The following EPHB2 variants were observed in gnomAD, a reference collection of about 807,000 sequenced individuals.
EPHB2 encodes EPH receptor B2, also known as ephrin type-B receptor 2.
A neutral mutation model predicts 96.4 loss-of-function variants in EPHB2; 18 were observed. The observed-to-expected ratio is 0.19, with a 90% CI of 0.13 to 0.28. EPHB2 has a LOEUF of 0.28. EPHB2 is among the 10% of genes least tolerant of loss of function. EPHB2 has a pLI of 1.00. For synonymous variants in EPHB2, 506 were observed against 534.1 expected (o/e 0.95, Z 0.72); for missense variants, 989 against 1,355.4 (o/e 0.73, Z 4.25).
intron 3 of EPHB2, among the ~76,000 whole-genome samples, chr1:22,829,289 C>G (rs957406650): frequency 6.6e-6 from 1 of 152,246 alleles, no homozygotes; most frequent in Non-Finnish European, 1.5e-5. Context: ...GGCCCCTCCC[C>G]ACCCCTAGCA....
At chr1:22,757,458 A>G (rs1398404950) in intron 1 of EPHB2, among the ~76,000 whole-genome samples, 2 of 152,236 alleles carry the variant, frequency 1.3e-5, no homozygotes, top group Non-Finnish European at 2.9e-5. Flanking sequence ...CTGGAGTCAG[A>G]CAGGTGTGAA....
At chr1:22,879,913 C>T (rs566759438) in intron 5 of EPHB2, among the ~76,000 whole-genome samples, 9 of 152,332 alleles carry the variant, frequency 5.9e-5, no homozygotes, top group African/African-American at 7.2e-5. Flanking sequence ...TCATCAGGGC[C>T]GCATGGACCA....
At chr1:22,819,134 C>T (rs371884610) in intron 3 of EPHB2, among the ~76,000 whole-genome samples, 7 of 151,684 alleles carry the variant, frequency 4.6e-5, no homozygotes, top group African/African-American at 1.7e-4. Context: ...TATAAAAAGA[C>T]AAGCCTGAAT....
chr1:22,791,311 C>G (rs1644688014), intron 3 of EPHB2, among the ~76,000 whole-genome samples: 1 of 151,898 alleles, frequency 6.6e-6, no homozygotes, highest in Non-Finnish European at 1.5e-5. Flanking sequence ...TAAAATCACC[C>G]ATAATCCTAT....
At chr1:22,903,069 G>A (rs1487303929) in intron 9 of EPHB2, among the ~76,000 whole-genome samples, 1 of 152,222 alleles carries the variant, frequency 6.6e-6, no homozygotes, top group Non-Finnish European at 1.5e-5. Flanking sequence ...CTGGAAGTGA[G>A]GCCAATCCAC....
In EPHB2 at chr1:22,913,250, C is replaced by A. The variant is rs1640166825; in HGVS notation, c.2853-212C>A. The A allele has an allele frequency of 3.2e-6, 2 of 625,924 alleles. No homozygotes were observed. The highest frequency in any genetic ancestry group is 1.8e-5 in the African/African-American group (1 of 54,810). The allele number at this position is 625,924 out of a possible 1,614,324, so 38.8% of individuals were successfully genotyped here. A position where few individuals can be genotyped will look rare whatever the true frequency, so the allele number is the denominator to read the frequency against. ...CTCCCAATAGCAGGGGAGAGAAGGC[C>A]CCCTAGGGACCCTGATTCCGACTCA... On this transcript the variant is annotated intron_variant, in intron 15 of 15. Coordinates refer to ENST00000374630, the MANE Select transcript of EPHB2 (RefSeq NM_017449.5). This position sits in a 1 kb window ranked among gnomAD's most constrained non-coding sequence, Gnocchi z 4.1.
chr1:22,889,262 G>A (rs892446917), intron 6 of EPHB2, among the ~76,000 whole-genome samples: 1 of 152,172 alleles, frequency 6.6e-6, no homozygotes, highest in African/African-American at 2.4e-5. Flanking sequence ...TCACTCTCAT[G>A]AGGCACCTAT....
In EPHB2 at chr1:22,910,503, A is replaced by G. The variant is rs143865228; in HGVS notation, c.2624A>G (p.Gln875Arg). Residue 875 changes from glutamine (Q) to arginine (R), a missense_variant, in exon 14 of 16, where the codon CAA becomes CGA. Physicochemically the swap from Gln to Arg is conservative, Grantham distance 43 (BLOSUM62 1). Coordinates refer to ENST00000374630, the MANE Select transcript of EPHB2 (RefSeq NM_017449.5). ...KDRNHRPKFGQIVNTLDKMIR... is the reference protein window; with the variant it reads ...KDRNHRPKFGRIVNTLDKMIR... ...CGCAACCACCGGCCCAAGTTCGGCC[A>G]AATTGTCAACACGCTAGACAAGATG... 1 of 1,613,086 alleles carries G rather than the reference A, an allele frequency of 6.2e-7. No individual in the cohort carries two copies. Among genetic ancestry groups the G allele is most frequent in the African/African-American group, 1.4e-5 (1 of 73,942 alleles).
In EPHB2 at chr1:22,875,920, G is replaced by T. The variant is rs1638822910; in HGVS notation, c.1304-6439G>T. 6.6e-6 allele frequency among the ~76,000 whole-genome samples: 1 copy of T among 152,146 alleles called. No homozygotes were observed. Among genetic ancestry groups the T allele is most frequent in the African/African-American group, 2.4e-5 (1 of 41,430 alleles). Reference sequence around the variant, plus strand: ...GGCCATGGAAGATGTGGGGGAAGAGGTTTCCAAGCAGAAACACCATAGGGC... The same window carrying T: ...GGCCATGGAAGATGTGGGGGAAGAGTTTTCCAAGCAGAAACACCATAGGGC... On this transcript the variant is annotated intron_variant, in intron 5 of 15. Coordinates refer to ENST00000374630, the MANE Select transcript of EPHB2 (RefSeq NM_017449.5). This position sits in a 1 kb window ranked among gnomAD's most constrained non-coding sequence, Gnocchi z 4.2.
intron 3 of EPHB2, among the ~76,000 whole-genome samples, chr1:22,811,440 C>A (rs1267340476): frequency 6.6e-6 from 1 of 152,200 alleles, no homozygotes; most frequent in East Asian, 1.9e-4. Context: ...CATCTTTTCC[C>A]TTCTCTTTCA....
In EPHB2 at chr1:22,726,808, C is replaced by T. The variant is rs1643591675; in HGVS notation, c.61+15765C>T. ...ATACCCAAGGTCACACTTTTTAGTA[C>T]ATACTTGTGTATGAGATGGAATGTG... On this transcript the variant is annotated intron_variant, in intron 1 of 15. Transcript: ENST00000374630. 1.3e-5 allele frequency among the ~76,000 whole-genome samples: 2 copies of T among 152,182 alleles called. 1 individual carries two copies. The highest frequency in any genetic ancestry group is 4.1e-4 in the South Asian group (2 of 4,830).
chr1:22,778,515 C>T (rs1434174953), intron 1 of EPHB2, among the ~76,000 whole-genome samples: 1 of 152,208 alleles, frequency 6.6e-6, no homozygotes, highest in Non-Finnish European at 1.5e-5. Flanking sequence ...TGTGCTGCCT[C>T]CTGCCACAAC....
chr1:22,758,023 A>G (rs1440126104), intron 1 of EPHB2, among the ~76,000 whole-genome samples: 4 of 136,674 alleles, frequency 2.9e-5, no homozygotes, highest in Non-Finnish European at 3.1e-5. Flanking sequence ...GGTTCACGCC[A>G]TTCTCCTGCC....
Position 22,906,046 on chromosome 1 carries a change from G to T in EPHB2, c.1825G>T (p.Val609Leu). 6.2e-7 allele frequency: 1 copy of T among 1,614,246 alleles called. No individual in the cohort carries two copies. Among genetic ancestry groups the T allele is most frequent in the African/African-American group, 1.3e-5 (1 of 75,052 alleles). Reference sequence around the variant, plus strand: ...CACCTACGAGGACCCCAACGAGGCAGTGCGGGAGTTTGCCAAGGAAATTGA... The same window carrying T: ...CACCTACGAGGACCCCAACGAGGCATTGCGGGAGTTTGCCAAGGAAATTGA... ...PFTYEDPNEA[V>L]REFAKEIDIS... The change falls in exon 10 of 16, where the codon GTG becomes TTG. Residue 609 changes from valine to leucine, a missense_variant. Val to Leu is a conservative substitution (Grantham distance 32). Coordinates refer to ENST00000374630, the MANE Select transcript of EPHB2 (RefSeq NM_017449.5). The surrounding 1 kb of genome is among the most constrained non-coding windows in gnomAD (Gnocchi z 4.8).
intron 1 of EPHB2, among the ~76,000 whole-genome samples, chr1:22,724,546 G>T (rs1182808675): frequency 1.3e-5 from 2 of 152,150 alleles, no homozygotes; most frequent in Non-Finnish European, 1.5e-5. Flanking sequence ...TCAGAGGAGG[G>T]AAGAAAGACT....
At chr1:22,853,177 C>T (rs1389047215) in intron 3 of EPHB2, among the ~76,000 whole-genome samples, 30 of 152,304 alleles carry the variant, frequency 2.0e-4, no homozygotes, top group Non-Finnish European at 1.5e-5. Context: ...AGTGAAATCC[C>T]GTCTCTACTA....
intron 3 of EPHB2, among the ~76,000 whole-genome samples, chr1:22,851,732 C>A (rs1047126108): frequency 6.6e-6 from 1 of 152,262 alleles, no homozygotes; most frequent in Admixed American, 6.5e-5. Context: ...GGCCTTGAAC[C>A]TCACGTGCTA....
Position 22,910,377 on chromosome 1 carries a change from C to T in EPHB2, c.2503-5C>T. On this transcript the variant is annotated splice_region_variant and splice_polypyrimidine_tract_variant and intron_variant, in intron 13 of 15. Coordinates refer to ENST00000374630, the MANE Select transcript of EPHB2 (RefSeq NM_017449.5). ...CAACCCCACTGCACTCCTGCATTGT[C>T]CCAGGTAATCAATGCCATTGAGCAG... 3.1e-6 allele frequency: 5 copies of T among 1,614,186 alleles called. No homozygotes were observed. The highest frequency in any genetic ancestry group is 4.2e-6 in the Non-Finnish European group (5 of 1,180,020).
chr1:22,900,145 T>G (rs1211794328), intron 9 of EPHB2, among the ~76,000 whole-genome samples: 1 of 151,702 alleles, frequency 6.6e-6, no homozygotes, highest in Non-Finnish European at 1.5e-5. Context: ...AATACAAAAA[T>G]TAGCTGGGTG....
Sources: allele counts gnomAD v4.1 joint callset (sites outside exome capture counted in the v4.1 genomes callset), GRCh38; gene constraint gnomAD v4.1.1; non-coding constraint Gnocchi (gnomAD v3.1); transcripts MANE v1.5; gene names NCBI Gene and HGNC (gene_info 2026-07-23, HGNC 2026-07-21).